The following RPS6KA3 variants were observed in gnomAD, a reference collection of about 807,000 sequenced individuals.
RPS6KA3 encodes the protein ribosomal protein S6 kinase A3.
Under a neutral mutation model 67.2 loss-of-function variants are expected in RPS6KA3, and 4 were observed. That is an observed-to-expected ratio of 0.06 (90% CI 0.03 to 0.14). The LOEUF (loss-of-function observed/expected upper bound fraction) is 0.14, where lower values mean the gene tolerates loss of function less well. RPS6KA3 is among the 10% of genes least tolerant of loss of function. The pLI is 1.00. For synonymous variants in RPS6KA3, 182 were observed against 183.7 expected, an observed-to-expected ratio of 0.99 and a Z score of 0.07; for missense variants, 204 against 559.0, an observed-to-expected ratio of 0.36 and a Z score of 6.40.
chrX:20,226,791 A>G (rs2069132299), intron 2 of RPS6KA3, among the ~76,000 whole-genome samples: 1 of 111,653 alleles, frequency 9.0e-6, no homozygotes, highest in South Asian at 3.7e-4. Context: ...TTATGTGATA[A>G]ATAATAACCT....
intron 2 of RPS6KA3, among the ~76,000 whole-genome samples, chrX:20,233,122 C>A (rs890765008): frequency 9.0e-6 from 1 of 110,724 alleles, no homozygotes; most frequent in Admixed American, 9.6e-5. Flanking sequence ...AGCAGCAGAG[C>A]GAGACTCTGT....
intron 2 of RPS6KA3, among the ~76,000 whole-genome samples, chrX:20,213,113 A>G (rs1015315506): frequency 1.1e-4 from 12 of 111,928 alleles, no homozygotes; most frequent in Non-Finnish European, 2.3e-4. Context: ...TACTTTTGTG[A>G]TATTATCTCC....
intron 10 of RPS6KA3, among the ~76,000 whole-genome samples, chrX:20,179,725 C>T (rs2067795357): frequency 9.0e-6 from 1 of 111,285 alleles, no homozygotes; most frequent in Non-Finnish European, 1.9e-5. Context: ...GTAATTAAAT[C>T]ATCATAGTTG....
In RPS6KA3 at chrX:20,209,271, A is replaced by G. The variant is rs775720580; in HGVS notation, c.243+17T>C. The G allele has an allele frequency of 4.4e-6, 4 of 903,370 alleles. No individual in the cohort carries two copies. Among genetic ancestry groups the G allele is most frequent in the South Asian group, 3.9e-5 (2 of 50,889 alleles). The allele number at this position is 903,370 out of a possible 1,213,427, so 74.4% of individuals were successfully genotyped here. Reference sequence around the variant, plus strand: ...TTGAAAAGACAACTCTTAAAAAAGCACACACTCATGACTTACCTTTCCAAA... The same window carrying G: ...TTGAAAAGACAACTCTTAAAAAAGCGCACACTCATGACTTACCTTTCCAAA... On this transcript the variant is annotated intron_variant, in intron 3 of 21. Transcript: ENST00000379565.
At chrX:20,233,875 G>A (rs1230348048) in intron 2 of RPS6KA3, among the ~76,000 whole-genome samples, 3 of 112,670 alleles carry the variant, frequency 2.7e-5, no homozygotes, top group Non-Finnish European at 5.6e-5. Context: ...TTTTGTAAAC[G>A]TAAATAATAA....
At chrX:20,175,554 G>A (rs973291005) in intron 13 of RPS6KA3, among the ~76,000 whole-genome samples, 9 of 111,472 alleles carry the variant, frequency 8.1e-5, no homozygotes, top group African/African-American at 2.6e-4. Flanking sequence ...TGAATTATAG[G>A]GTTAATGGTA....
intron 1 of RPS6KA3, among the ~76,000 whole-genome samples, chrX:20,247,747 A>G (rs1318852142): frequency 9.4e-6 from 1 of 106,850 alleles, no homozygotes; most frequent in Non-Finnish European, 1.9e-5. Flanking sequence ...AGATTGCGCC[A>G]CTGCACTCCA....
rs1207734406 is a variant in RPS6KA3 at position 20,192,206 on chromosome X, A to T, written c.593+1281T>A. Among the ~76,000 whole-genome samples, 3 of 112,015 alleles carry T rather than the reference A, an allele frequency of 2.7e-5. No individual in the cohort carries two copies. The Admixed American group carries it at 2.9e-4, about 11-fold the overall frequency. On this transcript the variant is annotated intron_variant, in intron 7 of 21. Coordinates refer to ENST00000379565, the MANE Select transcript of RPS6KA3 (RefSeq NM_004586.3). ...GTGGTAGATAAACATCAACAAATTA[A>T]AACGGAAGTGTGTACAATTTAAATA...
chrX:20,238,621 G>A (rs1284639125), intron 1 of RPS6KA3, among the ~76,000 whole-genome samples: 7 of 110,542 alleles, frequency 6.3e-5, no homozygotes, highest in African/African-American at 2.3e-4. Context: ...AGCAACCTAA[G>A]AAAAAAATTG....
chrX:20,259,586 T>C (rs1445642149), intron 1 of RPS6KA3, among the ~76,000 whole-genome samples: 1 of 111,574 alleles, frequency 9.0e-6, no homozygotes. Flanking sequence ...ACAGCTCATT[T>C]CCAGGCAATA....
intron 2 of RPS6KA3, among the ~76,000 whole-genome samples, chrX:20,232,222 T>C (rs2069284609): frequency 8.9e-6 from 1 of 111,808 alleles, no homozygotes; most frequent in African/African-American, 3.3e-5. Context: ...AACCTTAGTG[T>C]AGGGAAGGAT....
At chrX:20,246,123 A>G (rs1159498800) in intron 1 of RPS6KA3, among the ~76,000 whole-genome samples, 2 of 54,082 alleles carry the variant, frequency 3.7e-5, no homozygotes, top group Admixed American at 1.7e-4. Context: ...CTCGGAAAAG[A>G]AAAAAAAAAA....
chrX:20,248,349 C>T (rs1345523731), intron 1 of RPS6KA3, among the ~76,000 whole-genome samples: 1 of 111,840 alleles, frequency 8.9e-6, no homozygotes, highest in Admixed American at 9.4e-5. Context: ...ACAATATGTC[C>T]CCATGAAGCA....
At chrX:20,179,110 G>A (rs1277838384) in intron 10 of RPS6KA3, among the ~76,000 whole-genome samples, 1 of 111,391 alleles carries the variant, frequency 9.0e-6, no homozygotes, top group African/African-American at 3.3e-5. Context: ...TTCTGAGATC[G>A]AATTTGGAGA....
chrX:20,242,519 C>CAT (rs2069577416), intron 1 of RPS6KA3, among the ~76,000 whole-genome samples: 3 of 111,411 alleles, frequency 2.7e-5, no homozygotes, highest in African/African-American at 9.8e-5. Flanking sequence ...AAACCCAGAT[C>CAT]TTTTTAGCTC....
rs115109462 is a variant in RPS6KA3, at chrX:20,203,825, G to A, written c.325+197C>T. ...GAATTTATAATACGTCTTTTATAAC[G>A]TGGCAACTCTGGTTCTCACTAGTTA... is the stretch of plus-strand genomic sequence containing the variant. On this transcript the variant is annotated intron_variant, in intron 4 of 21. Transcript: ENST00000379565. 842 of 396,178 alleles carry A rather than the reference G, an allele frequency of 2.1e-3. 6 individuals are homozygous for A. Among genetic ancestry groups the A allele is most frequent in the African/African-American group, 0.019 (761 of 39,916 alleles). The allele number at this position is 396,178 out of a possible 1,213,427, so 32.6% of individuals were successfully genotyped here. A position where few individuals can be genotyped will look rare whatever the true frequency, so the allele number is the denominator to read the frequency against.
intron 16 of RPS6KA3, among the ~76,000 whole-genome samples, 158 bp downstream of exon 16, chrX:20,169,244 C>A (rs1033428125): frequency 1.8e-5 from 2 of 112,739 alleles, no homozygotes; most frequent in African/African-American, 6.4e-5. Flanking sequence ...AAGTGATCCT[C>A]CTGCCTTGGC....
chrX:20,266,718 A>ACGGCAGCGGCGG lies in RPS6KA3; in HGVS notation c.-98_-87dup, dbSNP rs2070400224. ...CCCGCTCCGTCGCCGCCCGAGCCCC[A>ACGGCAGCGGCGG]CGGCAGCGGCGGCGGCGGCGGCGGC... On this transcript the variant is annotated 5_prime_UTR_variant, in exon 1 of 22. Transcript: ENST00000379565. 1.2e-5 allele frequency: 7 copies of ACGGCAGCGGCGG among 581,014 alleles called. No homozygotes were observed. Among genetic ancestry groups the ACGGCAGCGGCGG allele is most frequent in the Non-Finnish European group, 1.4e-5 (7 of 496,319 alleles). 47.9% of individuals were successfully genotyped at this position (581,014 alleles called of 1,213,427 possible).
At chrX:20,160,644 G>C (rs1466356648) in intron 20 of RPS6KA3, among the ~76,000 whole-genome samples, 1 of 111,281 alleles carries the variant, frequency 9.0e-6, no homozygotes, top group African/African-American at 3.3e-5. Flanking sequence ...AGCCAGGCTG[G>C]TTCTGAACTT....
Sources: allele counts gnomAD v4.1 joint callset (sites outside exome capture counted in the v4.1 genomes callset), GRCh38; gene constraint gnomAD v4.1.1; transcripts MANE v1.5; gene names NCBI Gene and HGNC (gene_info 2026-07-23, HGNC 2026-07-21).